The following ZNF649 variants were observed in gnomAD, a reference collection of about 807,000 sequenced individuals.
The protein encoded by ZNF649 is zinc finger protein 649.
ZNF649 carries 7 observed loss-of-function variants against 14.1 expected under a neutral mutation model. The observed-to-expected ratio is 0.49, with a 90% CI of 0.28 to 0.93. ZNF649 has a LOEUF of 0.93. ZNF649 is among the 40% of genes least tolerant of loss of function. The probability of loss-of-function intolerance (pLI) is 0.10; values close to 1 mark genes in which losing one functional copy is unlikely to be tolerated. For missense variants in ZNF649, 544 were observed against 608.1 expected, an observed-to-expected ratio of 0.89 and a Z score of 1.11; for synonymous variants, 227 against 212.3, an observed-to-expected ratio of 1.07 and a Z score of -0.60.
intron 1 of ZNF649, among the ~76,000 whole-genome samples, chr19:51,903,212 G>A (rs1188248681): frequency 6.6e-6 from 1 of 152,034 alleles, no homozygotes; most frequent in Non-Finnish European, 1.5e-5. Flanking sequence ...TTCCCCAGAA[G>A]TTCACCAGTC....
In ZNF649 at chr19:51,891,047, T is replaced by C; in HGVS notation, c.1089A>G (p.Ala363=). 2 of 1,614,218 alleles carry C rather than the reference T, an allele frequency of 1.2e-6. No homozygotes were observed. The highest frequency in any genetic ancestry group is 1.7e-6 in the Non-Finnish European group (2 of 1,180,038). The change falls in exon 5 of 5, where the codon GCA becomes GCG. Residue 363 remains alanine, a synonymous_variant. Coordinates refer to ENST00000354957, the MANE Select transcript of ZNF649 (RefSeq NM_023074.4). This position sits in a 1 kb window ranked among gnomAD's most constrained non-coding sequence, Gnocchi z 4.2. The part of the protein sequence containing the change: ...KAFSQKSCLV[A]HQRYHTGKTP... ...TCTTTCCTGTATGATATCTCTGATG[T>C]GCTACAAGGCAAGACTTCTGGCTGA...
At position 51,890,597 on chromosome 19, in the gene ZNF649, G is replaced by A; in HGVS notation, c.*21C>T. The A allele has an allele frequency of 6.5e-7, 1 of 1,538,970 alleles. No homozygotes were observed. The highest frequency in any genetic ancestry group is 1.7e-4 in the Middle Eastern group (1 of 5,846). ...CTCAGCATTCCGCTGGAGGCTATATGATCAAACAGCAAACTGTTTATCATG... is the reference window on the plus strand; with the variant it reads ...CTCAGCATTCCGCTGGAGGCTATATAATCAAACAGCAAACTGTTTATCATG... On this transcript the variant is annotated 3_prime_UTR_variant, in exon 5 of 5. Coordinates refer to ENST00000354957, the MANE Select transcript of ZNF649 (RefSeq NM_023074.4).
intron 4 of ZNF649, among the ~76,000 whole-genome samples, chr19:51,895,881 A>G (rs1481738938): frequency 1.3e-5 from 2 of 152,190 alleles, no homozygotes; most frequent in African/African-American, 2.4e-5. Flanking sequence ...GGGAACCCCT[A>G]CTTTACAGCT....
In ZNF649 at chr19:51,891,353, T is replaced by C. The variant is rs1230755355; in HGVS notation, c.783A>G (p.Pro261=). The change falls in exon 5 of 5, where the codon CCA becomes CCG. Residue 261 remains proline (P), a synonymous_variant. Coordinates refer to ENST00000354957, the MANE Select transcript of ZNF649 (RefSeq NM_023074.4). This position sits in a 1 kb window ranked among gnomAD's most constrained non-coding sequence, Gnocchi z 4.2. ...EHERAHKGEK[P]YGCSECGKAF... is the part of the protein sequence containing the mutation. Reference sequence around the variant, plus strand: ...CTTTCCCACATTCACTGCACCCGTATGGTTTCTCTCCTTTGTGAGCTCTCT... The same window carrying C: ...CTTTCCCACATTCACTGCACCCGTACGGTTTCTCTCCTTTGTGAGCTCTCT... The C allele has an allele frequency of 1.2e-6, 2 of 1,613,996 alleles. No individual in the cohort carries two copies. Among genetic ancestry groups the C allele is most frequent in the South Asian group, 1.1e-5 (1 of 91,080 alleles).
chr19:51,896,666 A>T, intron 3 of ZNF649, 99 bp from the exon 4 acceptor site: 1 of 1,519,544 alleles, frequency 6.6e-7, no homozygotes. Flanking sequence ...CATAATTTGC[A>T]TGTTAGCAAA....
intron 4 of ZNF649, among the ~76,000 whole-genome samples, chr19:51,893,392 A>AAG (rs60658642): frequency 0.019 from 2,885 of 151,878 alleles, 90 homozygotes; most frequent in African/African-American, 0.066. Flanking sequence ...AAAAAAAAAA[A>AAG]AGTTTCCCCT....
At position 51,895,990 on chromosome 19, in the gene ZNF649, C is replaced by T. The variant is rs116148256; in HGVS notation, c.238+482G>A. On this transcript the variant is annotated intron_variant, in intron 4 of 4. Coordinates refer to ENST00000354957, the MANE Select transcript of ZNF649 (RefSeq NM_023074.4). ...GCCCTTAACCGGTGGGATCTGATGC[C>T]GTATCAGGTAGATAGGGTCAGAGCT... 1,149 of 157,094 alleles carry T rather than the reference C, an allele frequency of 7.3e-3. 13 individuals are homozygous for T. The highest frequency in any genetic ancestry group is 0.026 in the African/African-American group (1,094 of 41,478). The allele number at this position is 157,094 out of a possible 1,614,324, so 9.7% of individuals were successfully genotyped here.
intron 4 of ZNF649, among the ~76,000 whole-genome samples, chr19:51,893,039 C>T (rs2085035080): frequency 6.6e-6 from 1 of 152,150 alleles, no homozygotes; most frequent in Admixed American, 6.5e-5. Context: ...TGATGCCCCT[C>T]ACCCCCAACA....
chr19:51,893,694 T>G lies in ZNF649; in HGVS notation c.239-1797A>C, dbSNP rs117346219. ...TCATCATGCCCTACTTGCACAGATG[T>G]CATATTGGATTTTTTTTCCACTTTG... On this transcript the variant is annotated intron_variant, in intron 4 of 4. Coordinates refer to ENST00000354957, the MANE Select transcript of ZNF649 (RefSeq NM_023074.4). Among the ~76,000 whole-genome samples, 1,509 of 152,264 alleles carry G rather than the reference T, an allele frequency of 9.9e-3. 15 individuals are homozygous for G. Among genetic ancestry groups the G allele is most frequent in the South Asian group, 0.019 (92 of 4,826 alleles).
chr19:51,897,940 G>C (rs774752099), intron 2 of ZNF649, among the ~76,000 whole-genome samples: 2 of 151,898 alleles, frequency 1.3e-5, no homozygotes, highest in African/African-American at 2.4e-5. Flanking sequence ...TGGCTAACAT[G>C]GCTAAACATG....
chr19:51,899,974 G>C, intron 2 of ZNF649, 119 bp downstream of exon 2: 1 of 851,460 alleles, frequency 1.2e-6, no homozygotes. Context: ...GTCTAAGTCT[G>C]TTTCTCCCCA....
chr19:51,897,614 T>C (rs1160861214), intron 2 of ZNF649, among the ~76,000 whole-genome samples: 6 of 152,174 alleles, frequency 3.9e-5, no homozygotes, highest in East Asian at 1.9e-4. Flanking sequence ...CATGTAAGCA[T>C]TGACATGCAT....
intron 4 of ZNF649, among the ~76,000 whole-genome samples, chr19:51,894,622 CTG>C (rs1555752037): frequency 2.6e-5 from 4 of 152,192 alleles, no homozygotes; most frequent in Non-Finnish European, 5.9e-5. Context: ...ACAATTCTTT[CTG>C]TATTTACTAT....
At chr19:51,897,581 G>A (rs542860133) in intron 2 of ZNF649, among the ~76,000 whole-genome samples, 1 of 152,162 alleles carries the variant, frequency 6.6e-6, no homozygotes, top group African/African-American at 2.4e-5. Context: ...CTATGCAGTG[G>A]CCATAAAAAA....
At chr19:51,901,848 CAGG>C (rs925303143) in intron 1 of ZNF649, among the ~76,000 whole-genome samples, 34 of 149,190 alleles carry the variant, frequency 2.3e-4, no homozygotes, top group African/African-American at 7.9e-4. Flanking sequence ...ATGGCTGCGG[CAGG>C]AGGACTGCTT....
intron 4 of ZNF649, among the ~76,000 whole-genome samples, chr19:51,894,610 C>G (rs1261482753): frequency 1.3e-5 from 2 of 152,182 alleles, no homozygotes; most frequent in Non-Finnish European, 2.9e-5. Flanking sequence ...TTCTAAAGTC[C>G]TACAATTCTT....
chr19:51,894,721 G>C (rs943047584), intron 4 of ZNF649, among the ~76,000 whole-genome samples: 1 of 151,878 alleles, frequency 6.6e-6, no homozygotes, highest in African/African-American at 2.4e-5. Flanking sequence ...ATAAAAATTT[G>C]CCCTATTTTT....
chr19:51,896,361 G>T, intron 4 of ZNF649, 111 bp downstream of exon 4: 1 of 869,552 alleles, frequency 1.2e-6, no homozygotes, highest in Non-Finnish European at 1.9e-6. Flanking sequence ...AGAAGAAGAT[G>T]TGGCAGCTGT....
intron 2 of ZNF649, 186 bp downstream of exon 2, chr19:51,899,905 CAT>C (rs1007633665): frequency 2.2e-5 from 10 of 444,446 alleles, no homozygotes; most frequent in African/African-American, 1.8e-4. Context: ...ACACTGGTCA[CAT>C]GTGAACTATG....
Sources: allele counts gnomAD v4.1 joint callset (sites outside exome capture counted in the v4.1 genomes callset), GRCh38; gene constraint gnomAD v4.1.1; non-coding constraint Gnocchi (gnomAD v3.1); transcripts MANE v1.5; gene names NCBI Gene and HGNC (gene_info 2026-07-23, HGNC 2026-07-21).